ELAVL3: variants seen among roughly 807,000 people sequenced by gnomAD.
ELAVL3 encodes ELAV-like protein 3.
ELAVL3 carries 8 observed loss-of-function variants against 34.2 expected under a neutral mutation model. The observed-to-expected ratio is 0.23, with a 90% confidence interval of 0.14 to 0.42. The LOEUF is 0.42. Ranked by LOEUF, ELAVL3 falls within the 10% of genes least tolerant of loss-of-function variation. The pLI, the probability that ELAVL3 is intolerant of heterozygous loss-of-function variation, is 1.00. For synonymous variants in ELAVL3, 209 were observed against 222.1 expected, an observed-to-expected ratio of 0.94 and a Z score of 0.53; for missense variants, 273 against 518.8, an observed-to-expected ratio of 0.53 and a Z score of 4.60.
At chr19:11,470,829 T>C (rs1381481880) in intron 1 of ELAVL3, among the ~76,000 whole-genome samples, 9 of 152,196 alleles carry the variant, frequency 5.9e-5, no homozygotes, top group East Asian at 5.8e-4. Context: ...CCTCGGAATG[T>C]GAAGACCACT....
chr19:11,462,891 G>A (rs1393594463), intron 3 of ELAVL3, among the ~76,000 whole-genome samples: 4 of 151,332 alleles, frequency 2.6e-5, no homozygotes, highest in Non-Finnish European at 5.9e-5. Flanking sequence ...GAACCTGGGA[G>A]GCAGAGGTTG....
rs1375340814 is a variant in ELAVL3, at chr19:11,451,864, CA to C, written c.*2661del. 2.0e-5 allele frequency: 3 copies of C among 151,776 alleles called. No individual in the cohort carries two copies. Among genetic ancestry groups the C allele is most frequent in the African/African-American group, 7.3e-5 (3 of 41,278 alleles). The allele number at this position is 151,776 out of a possible 1,614,324, so 9.4% of individuals were successfully genotyped here. A position where few individuals can be genotyped will look rare whatever the true frequency, so the allele number is the denominator to read the frequency against. On this transcript the variant is annotated 3_prime_UTR_variant, in exon 7 of 7. Coordinates refer to ENST00000359227, the MANE Select transcript of ELAVL3 (RefSeq NM_001420.4). ...GCCTGGCCCCCCCCAGGGTGGGGGA[CA>C]AACCCAGCCCTTATTGCTCGGACGC...
At chr19:11,457,391 C>T (rs1352685467) in intron 5 of ELAVL3, among the ~76,000 whole-genome samples, 1 of 152,244 alleles carries the variant, frequency 6.6e-6, no homozygotes, top group African/African-American at 2.4e-5. Flanking sequence ...TCCTCCCCCT[C>T]CTGGCTGGCG....
rs190912624 is a variant in ELAVL3 at position 11,458,994 on chromosome 19, C to A, written c.334-383G>T. ...ACAGGATCTCACTTTTTTACCCAGG[C>A]TGGAATGCAATGGTGTGATCTCAGC... On this transcript the variant is annotated intron_variant, in intron 3 of 6. Coordinates refer to ENST00000359227, the MANE Select transcript of ELAVL3 (RefSeq NM_001420.4). This position sits in a 1 kb window ranked among gnomAD's most constrained non-coding sequence, Gnocchi z 7.3. Among the ~76,000 whole-genome samples the A allele has an allele frequency of 6.6e-6, 1 of 151,698 alleles. No homozygotes were observed. Among genetic ancestry groups the A allele is most frequent in the East Asian group, 1.9e-4 (1 of 5,172 alleles).
chr19:11,458,349 C>T lies in ELAVL3; in HGVS notation c.488-63G>A. The T allele has an allele frequency of 1.2e-6, 2 of 1,606,600 alleles. No individual in the cohort carries two copies. The highest frequency in any genetic ancestry group is 1.7e-6 in the Non-Finnish European group (2 of 1,175,722). Reference sequence around the variant, plus strand: ...TCCCCTCCTGTGTAACCCCACTTCTCCCTTCCCTGCTTCATGCCCTGGCAT... The same window carrying T: ...TCCCCTCCTGTGTAACCCCACTTCTTCCTTCCCTGCTTCATGCCCTGGCAT... On this transcript the variant is annotated intron_variant, in intron 4 of 6. Transcript: ENST00000359227. The surrounding 1 kb of genome is among the most constrained non-coding windows in gnomAD (Gnocchi z 7.3).
In ELAVL3 at chr19:11,454,278, T is replaced by TC; in HGVS notation, c.*247_*248insG. Reference sequence around the variant, plus strand: ...CATGAACCAAACCAAGACGAGAGAGTGAACAGCCCAGCCTGGGGTGGGGGC... The same window carrying TC: ...CATGAACCAAACCAAGACGAGAGAGTCGAACAGCCCAGCCTGGGGTGGGGGC... On this transcript the variant is annotated 3_prime_UTR_variant, in exon 7 of 7. Transcript: ENST00000359227. This position sits in a 1 kb window ranked among gnomAD's most constrained non-coding sequence, Gnocchi z 9.2. The TC allele has an allele frequency of 2.1e-6, 1 of 481,904 alleles. No individual in the cohort carries two copies. Among genetic ancestry groups the TC allele is most frequent in the Non-Finnish European group, 3.7e-6 (1 of 272,686 alleles). 29.9% of individuals were successfully genotyped at this position (481,904 alleles called of 1,614,324 possible). A position where few individuals can be genotyped will look rare whatever the true frequency, so the allele number is the denominator to read the frequency against.
At chr19:11,476,557 A>G (rs967624296) in intron 1 of ELAVL3, among the ~76,000 whole-genome samples, 3 of 152,056 alleles carry the variant, frequency 2.0e-5, no homozygotes, top group Admixed American at 6.6e-5. Context: ...AGGGAAAAAA[A>G]AAAAAATGAA....
chr19:11,454,868 C>T lies in ELAVL3; in HGVS notation c.762G>A (p.Ser254=), dbSNP rs567829899. The change falls in exon 7 of 7, where the codon TCG becomes TCA. Residue 254 remains serine, a synonymous_variant. Coordinates refer to ENST00000359227, the MANE Select transcript of ELAVL3 (RefSeq NM_001420.4). The surrounding 1 kb of genome is among the most constrained non-coding windows in gnomAD (Gnocchi z 9.2). ...CGATCGGCGAGAACCTGGCGATGAG[C>T]GACAGGGGACTACTTTGGGGGTCAC... is the stretch of plus-strand genomic sequence containing the variant. ...NMAYGVKSPL[S]LIARFSPIAI... 2.0e-5 allele frequency: 32 copies of T among 1,597,348 alleles called. No individual in the cohort carries two copies. In the African/African-American group the frequency reaches 3.7e-4, roughly 19 times the overall value.
At chr19:11,470,657 C>T (rs1237788658) in intron 1 of ELAVL3, among the ~76,000 whole-genome samples, 1 of 152,030 alleles carries the variant, frequency 6.6e-6, no homozygotes, top group African/African-American at 2.4e-5. Flanking sequence ...GCCTGGGCAA[C>T]AAGAGCGAAA....
At chr19:11,460,972 C>T (rs971031762) in intron 3 of ELAVL3, among the ~76,000 whole-genome samples, 1 of 140,222 alleles carries the variant, frequency 7.1e-6, no homozygotes, top group Non-Finnish European at 1.5e-5. Context: ...GACAATACAG[C>T]AAGACTCACC....
chr19:11,465,385 T>C (rs990200214), intron 3 of ELAVL3, among the ~76,000 whole-genome samples: 1 of 149,440 alleles, frequency 6.7e-6, no homozygotes, highest in East Asian at 2.0e-4. Flanking sequence ...CATACACACA[T>C]ACACACACAC....
rs543455540 is a variant in ELAVL3 at position 11,453,190 on chromosome 19, T to C, written c.*1336A>G. ...AGGGGTGTCCTTTGGCCTCAAGTGTTGTGGGGGGGGGGGCTGCCTCCAGCC... is the reference window on the plus strand; with the variant it reads ...AGGGGTGTCCTTTGGCCTCAAGTGTCGTGGGGGGGGGGGCTGCCTCCAGCC... On this transcript the variant is annotated 3_prime_UTR_variant, in exon 7 of 7. Coordinates refer to ENST00000359227, the MANE Select transcript of ELAVL3 (RefSeq NM_001420.4). 3 of 140,984 alleles carry C rather than the reference T, an allele frequency of 2.1e-5. No individual in the cohort carries two copies. The highest frequency in any genetic ancestry group is 3.0e-5 in the Non-Finnish European group (2 of 65,960). The allele number at this position is 140,984 out of a possible 1,614,324, so 8.7% of individuals were successfully genotyped here.
intron 6 of ELAVL3, among the ~76,000 whole-genome samples, chr19:11,455,479 G>A (rs1970748979): frequency 6.6e-6 from 1 of 151,960 alleles, no homozygotes; most frequent in South Asian, 2.1e-4. Context: ...TAGAGATGGG[G>A]TTTCTCCATG....
At position 11,480,747 on chromosome 19, in the gene ELAVL3, C is replaced by A; in HGVS notation, c.-139G>T. ...GCCGCTGCAGATGTGGCGATGAAGG[C>A]GGCGGCTCCCTCGAGGGCCAGGGAC... On this transcript the variant is annotated 5_prime_UTR_variant, in exon 1 of 7. Transcript: ENST00000359227. The surrounding 1 kb of genome is among the most constrained non-coding windows in gnomAD (Gnocchi z 6.8). 2.5e-6 allele frequency: 2 copies of A among 812,972 alleles called. No individual in the cohort carries two copies. The highest frequency in any genetic ancestry group is 3.5e-6 in the Non-Finnish European group (2 of 579,272). 50.4% of individuals were successfully genotyped at this position (812,972 alleles called of 1,614,324 possible). A position where few individuals can be genotyped will look rare whatever the true frequency, so the allele number is the denominator to read the frequency against.
intron 1 of ELAVL3, among the ~76,000 whole-genome samples, chr19:11,476,637 G>A (rs1055000000): frequency 4.6e-5 from 7 of 152,084 alleles, no homozygotes; most frequent in African/African-American, 1.4e-4. Flanking sequence ...GGTGGCTCAG[G>A]CCTGCAATCC....
In ELAVL3 at chr19:11,458,030, C is replaced by T. The variant is rs762995175; in HGVS notation, c.713+31G>A. 6.2e-7 allele frequency: 1 copy of T among 1,603,530 alleles called. No homozygotes were observed. The highest frequency in any genetic ancestry group is 8.5e-7 in the Non-Finnish European group (1 of 1,177,726). The stretch of plus-strand genomic sequence containing the variant: ...GGGTTGCAAGCTTGGGGGCACCCGG[C>T]CTGGGGCCATCTGGCTGGCAGGGGG... On this transcript the variant is annotated intron_variant, in intron 5 of 6. Coordinates refer to ENST00000359227, the MANE Select transcript of ELAVL3 (RefSeq NM_001420.4). The surrounding 1 kb of genome is among the most constrained non-coding windows in gnomAD (Gnocchi z 7.3).
chr19:11,456,330 TC>T (rs1970767578), intron 6 of ELAVL3, among the ~76,000 whole-genome samples: 1 of 151,836 alleles, frequency 6.6e-6, no homozygotes, highest in African/African-American at 2.4e-5. Flanking sequence ...GGTCTTGGAC[TC>T]CTGACCTCGT....
At chr19:11,469,580 G>A (rs568670496) in intron 1 of ELAVL3, among the ~76,000 whole-genome samples, 28 of 152,168 alleles carry the variant, frequency 1.8e-4, no homozygotes, top group African/African-American at 5.3e-4. Flanking sequence ...GTGCCCAGCC[G>A]TTAATTGATT....
chr19:11,464,793 ACACACACACCACACACACATGCAC>A (rs1970988743), intron 3 of ELAVL3, among the ~76,000 whole-genome samples: 1 of 127,894 alleles, frequency 7.8e-6, no homozygotes. Context: ...CACACACACC[ACACACACACCACACACACATGCAC>A]CACACACACC....
Sources: gnomAD v4.1 joint callset for allele counts (sites outside exome capture counted in the v4.1 genomes callset) on GRCh38, gnomAD v4.1.1 for gene constraint, Gnocchi (gnomAD v3.1) non-coding constraint, MANE v1.5 for transcripts, NCBI Gene and HGNC (gene_info 2026-07-23, HGNC 2026-07-21) for gene names.